Variants in RAI14 observed in about 807,000 individuals in gnomAD.
RAI14 encodes retinoic acid induced 14.
RAI14 carries 45 observed loss-of-function variants against 115.4 expected under a neutral mutation model. That is an observed-to-expected ratio of 0.39 (90% CI 0.31 to 0.50). The LOEUF (loss-of-function observed/expected upper bound fraction) is 0.50, where lower values mean the gene tolerates loss of function less well. Ranked by LOEUF, RAI14 falls within the 20% of genes least tolerant of loss-of-function variation. The pLI, the probability that RAI14 is intolerant of heterozygous loss-of-function variation, is 0.85. For missense variants in RAI14, 939 were observed against 1,131.2 expected (o/e 0.83, Z 2.44); for synonymous variants, 371 against 415.4 (o/e 0.89, Z 1.30).
intron 2 of RAI14, among the ~76,000 whole-genome samples, chr5:34,735,230 A>G (rs924499071): frequency 2.0e-5 from 3 of 152,238 alleles, no homozygotes; most frequent in Non-Finnish European, 4.4e-5. Flanking sequence ...TTCTTGAGTG[A>G]TAGGACTGAT....
At chr5:34,810,027 A>G (rs1755397570) in intron 7 of RAI14, among the ~76,000 whole-genome samples, 4 of 152,230 alleles carry the variant, frequency 2.6e-5, no homozygotes, top group Admixed American at 2.6e-4. Flanking sequence ...AAATAAATTC[A>G]TATTCCTTGA....
chr5:34,715,397 C>T (rs551501642), intron 2 of RAI14, among the ~76,000 whole-genome samples: 1 of 152,278 alleles, frequency 6.6e-6, no homozygotes, highest in African/African-American at 2.4e-5. Flanking sequence ...CCAGCTTGGT[C>T]CACGCCCCAG....
At chr5:34,732,672 C>T (rs1398994453) in intron 2 of RAI14, among the ~76,000 whole-genome samples, 1 of 151,420 alleles carries the variant, frequency 6.6e-6, no homozygotes, top group Non-Finnish European at 1.5e-5. Context: ...CTCCTAACCT[C>T]AGGTGATCCA....
chr5:34,669,628 C>G (rs144141835), intron 1 of RAI14, among the ~76,000 whole-genome samples: 4 of 152,268 alleles, frequency 2.6e-5, no homozygotes, highest in African/African-American at 9.6e-5. Context: ...CTGCCCCATT[C>G]TTGTCTCACT....
intron 2 of RAI14, among the ~76,000 whole-genome samples, chr5:34,752,692 T>A (rs945163094): frequency 7.8e-5 from 11 of 141,356 alleles, no homozygotes; most frequent in Non-Finnish European, 1.7e-4. Flanking sequence ...ATATCTATAT[T>A]TCTTACATAT....
intron 5 of RAI14, among the ~76,000 whole-genome samples, chr5:34,804,487 T>C (rs529447417): frequency 1.3e-5 from 2 of 152,366 alleles, no homozygotes; most frequent in South Asian, 4.1e-4. Flanking sequence ...TGTTTGCTTG[T>C]ACTGTCTGTT....
intron 1 of RAI14, among the ~76,000 whole-genome samples, chr5:34,666,591 C>T (rs75294890): frequency 0.096 from 14,545 of 152,158 alleles, 797 homozygotes; most frequent in African/African-American, 0.13. Context: ...GGGACTGCCA[C>T]GTCAGCTGTA....
chr5:34,815,903 A>G (rs1423016062), intron 12 of RAI14, among the ~76,000 whole-genome samples: 2 of 152,242 alleles, frequency 1.3e-5, no homozygotes, highest in Admixed American at 6.5e-5. Context: ...TGGTAAATAC[A>G]TACAACTTTT....
Position 34,823,076 on chromosome 5 carries a change from T to C in RAI14, c.1234T>C (p.Ser412Pro), listed in dbSNP as rs1445942138. 6.2e-7 allele frequency: 1 copy of C among 1,612,472 alleles called. No individual in the cohort carries two copies. Among genetic ancestry groups the C allele is most frequent in the Non-Finnish European group, 8.5e-7 (1 of 1,178,692 alleles). Reference sequence around the variant, plus strand: ...AACCTCTCCCCCAGACTCCAAATCATCTCCATCTGTCTTAATACATTCTTT... The same window carrying C: ...AACCTCTCCCCCAGACTCCAAATCACCTCCATCTGTCTTAATACATTCTTT... ...GETSPPDSKS[S>P]PSVLIHSLGK... The change falls in exon 15 of 18, where the codon TCT becomes CCT. Residue 412 changes from serine to proline, a missense_variant. By Grantham distance (74) the Ser-to-Pro change is moderately conservative. Coordinates refer to ENST00000265109, the MANE Select transcript of RAI14 (RefSeq NM_015577.3). This position sits in a 1 kb window ranked among gnomAD's most constrained non-coding sequence, Gnocchi z 4.5.
intron 1 of RAI14, among the ~76,000 whole-genome samples, chr5:34,686,090 G>T (rs1744839252): frequency 6.6e-6 from 1 of 152,142 alleles, no homozygotes; most frequent in Non-Finnish European, 1.5e-5. Context: ...GGAATGAGTG[G>T]CATCTGGAAT....
At chr5:34,768,075 A>T (rs1580189800) in intron 3 of RAI14, among the ~76,000 whole-genome samples, 1 of 152,210 alleles carries the variant, frequency 6.6e-6, no homozygotes, top group South Asian at 2.1e-4. Context: ...GACACTCAAC[A>T]CTAGCCCGTG....
In RAI14 at chr5:34,774,257, G is replaced by A. The variant is rs572356690; in HGVS notation, c.167+16659G>A. On this transcript the variant is annotated intron_variant, in intron 3 of 17. Coordinates refer to ENST00000265109, the MANE Select transcript of RAI14 (RefSeq NM_015577.3). ...AGCAGGCACTGTGCCTGTCATCCCA[G>A]CTACTTGGGAGGCTGAGGAAGGAGA... is the stretch of plus-strand genomic sequence containing the variant. Among the ~76,000 whole-genome samples the A allele has an allele frequency of 5.9e-5, 9 of 152,086 alleles. No individual in the cohort carries two copies. In the South Asian group the frequency reaches 1.9e-3, roughly 32 times the overall value.
At chr5:34,757,369 G>A (rs765086451) in intron 2 of RAI14, 99 bp from the exon 3 acceptor site, 3 of 1,351,726 alleles carry the variant, frequency 2.2e-6, no homozygotes, top group African/African-American at 2.9e-5. Context: ...TTTAATTTGA[G>A]TGACAGGAGG....
At chr5:34,731,025 CAG>C (rs938526774) in intron 2 of RAI14, among the ~76,000 whole-genome samples, 23 of 152,030 alleles carry the variant, frequency 1.5e-4, no homozygotes, top group African/African-American at 5.3e-4. Context: ...ACAAGAAAAA[CAG>C]AACAATTTAT....
intron 2 of RAI14, among the ~76,000 whole-genome samples, chr5:34,730,557 T>C (rs1021328485): frequency 6.6e-6 from 1 of 151,900 alleles, no homozygotes; most frequent in African/African-American, 2.4e-5. Flanking sequence ...GCACCTGTAG[T>C]CTCTGCTACT....
At chr5:34,680,590 G>A (rs894037283) in intron 1 of RAI14, among the ~76,000 whole-genome samples, 3 of 152,228 alleles carry the variant, frequency 2.0e-5, no homozygotes, top group Admixed American at 6.5e-5. Context: ...CATAGCTTAC[G>A]GGACCACTTG....
intron 1 of RAI14, among the ~76,000 whole-genome samples, chr5:34,677,458 T>A (rs991680451): frequency 6.6e-6 from 1 of 152,094 alleles, no homozygotes; most frequent in Non-Finnish European, 1.5e-5. Flanking sequence ...GCCGTTTCTT[T>A]TTTTTTAAAA....
intron 3 of RAI14, among the ~76,000 whole-genome samples, chr5:34,762,244 A>G (rs1400611358): frequency 6.6e-6 from 1 of 152,236 alleles, no homozygotes; most frequent in Non-Finnish European, 1.5e-5. Context: ...TCTGGTGAAC[A>G]TCACAACCTG....
intron 2 of RAI14, among the ~76,000 whole-genome samples, chr5:34,724,056 G>C (rs1743146452): frequency 6.6e-6 from 1 of 152,106 alleles, no homozygotes; most frequent in Admixed American, 6.5e-5. Context: ...TCACTCTGTT[G>C]CCCAGGCTGG....
Sources: gnomAD v4.1 joint callset for allele counts (sites outside exome capture counted in the v4.1 genomes callset) on GRCh38, gnomAD v4.1.1 for gene constraint, Gnocchi (gnomAD v3.1) non-coding constraint, MANE v1.5 for transcripts, NCBI Gene and HGNC (gene_info 2026-07-23, HGNC 2026-07-21) for gene names.